SLC24A2: variants seen among roughly 807,000 people sequenced by gnomAD.
The protein encoded by SLC24A2 is sodium/potassium/calcium exchanger 2.
Under a neutral mutation model 62.0 loss-of-function variants are expected in SLC24A2, and 36 were observed. The ratio of observed to expected loss-of-function variants is 0.58; its 90% confidence interval spans 0.44 to 0.77. SLC24A2 has a LOEUF of 0.77. Ranked by LOEUF, SLC24A2 falls within the 30% of genes least tolerant of loss-of-function variation. The pLI is 0.00. For synonymous variants in SLC24A2, 358 were observed against 294.0 expected, an observed-to-expected ratio of 1.22 and a Z score of -2.23; for missense variants, 846 against 817.9, an observed-to-expected ratio of 1.03 and a Z score of -0.42.
chr9:19,619,969 C>A (rs1411117649), intron 3 of SLC24A2, among the ~76,000 whole-genome samples: 1 of 152,088 alleles, frequency 6.6e-6, no homozygotes, highest in Non-Finnish European at 1.5e-5. Flanking sequence ...ATCTTATTTG[C>A]AAAATGAACC....
chr9:20,304,059 T>C, the SLC24A2 span, among the ~76,000 whole-genome samples: 1 of 152,200 alleles, frequency 6.6e-6, no homozygotes, highest in Non-Finnish European at 1.5e-5. Context: ...CAAGTACTAA[T>C]TCGTTAGTCT....
chr9:19,892,277 G>T, the SLC24A2 span, among the ~76,000 whole-genome samples: 61,920 of 151,986 alleles, frequency 0.41, 13,177 homozygotes, highest in East Asian at 0.84. Context: ...TCTGTCCCCT[G>T]CTCTCATCCC....
chr9:19,690,786 T>C (rs994346425), intron 2 of SLC24A2, among the ~76,000 whole-genome samples: 4 of 152,094 alleles, frequency 2.6e-5, no homozygotes, highest in Middle Eastern at 6.3e-3. Context: ...TTTTCCCCTA[T>C]AATTCACTAG....
chr9:19,826,426 G>A, the SLC24A2 span, among the ~76,000 whole-genome samples: 1 of 152,052 alleles, frequency 6.6e-6, no homozygotes, highest in Non-Finnish European at 1.5e-5. Flanking sequence ...ATAGAGAAAG[G>A]CAAGATTGTC....
the SLC24A2 span, among the ~76,000 whole-genome samples, chr9:20,166,738 T>A: frequency 6.6e-6 from 1 of 152,020 alleles, no homozygotes; most frequent in Non-Finnish European, 1.5e-5. Flanking sequence ...CTTTTATGTA[T>A]GGTTTTGACT....
Position 19,519,769 on chromosome 9 carries a change from T to C in SLC24A2, c.1736+1125A>G, listed in dbSNP as rs111292112. ...GGAATCAGAGAAATCAGGATTTAAGTTGTCACTAAAAGGGTAAGTCAGAGT... is the reference window on the plus strand; with the variant it reads ...GGAATCAGAGAAATCAGGATTTAAGCTGTCACTAAAAGGGTAAGTCAGAGT... On this transcript the variant is annotated intron_variant, in intron 10 of 10. Transcript: ENST00000341998. Among the ~76,000 whole-genome samples, 749 of 152,280 alleles carry C rather than the reference T, an allele frequency of 4.9e-3. 8 individuals carry two copies. Among genetic ancestry groups the C allele is most frequent in the African/African-American group, 0.017 (709 of 41,548 alleles).
the SLC24A2 span, among the ~76,000 whole-genome samples, chr9:19,935,346 C>T: frequency 4.6e-5 from 7 of 152,006 alleles, no homozygotes. Flanking sequence ...GCACAAAGTC[C>T]TTGCTGCTGA....
At chr9:19,935,249 A>G in the SLC24A2 span, among the ~76,000 whole-genome samples, 1 of 151,662 alleles carries the variant, frequency 6.6e-6, no homozygotes, top group Non-Finnish European at 1.5e-5. Context: ...TGTTAAAGAC[A>G]GGGGGGTTCT....
At chr9:20,192,616 T>C in the SLC24A2 span, among the ~76,000 whole-genome samples, 3 of 152,166 alleles carry the variant, frequency 2.0e-5, no homozygotes, top group Non-Finnish European at 4.4e-5. Context: ...TTAGTTCAAC[T>C]GGGATTAAGA....
the SLC24A2 span, among the ~76,000 whole-genome samples, chr9:19,973,359 A>C: frequency 2.4e-4 from 37 of 152,340 alleles, no homozygotes; most frequent in South Asian, 7.5e-3. Flanking sequence ...AAACACATAA[A>C]ATTCTCATTT....
At chr9:19,668,990 G>T (rs1819336836) in intron 2 of SLC24A2, among the ~76,000 whole-genome samples, 1 of 152,164 alleles carries the variant, frequency 6.6e-6, no homozygotes, top group Non-Finnish European at 1.5e-5. Context: ...GAGAACAGAA[G>T]GTTTTATAAA....
At chr9:19,701,049 C>A (rs866169550) in intron 2 of SLC24A2, among the ~76,000 whole-genome samples, 1 of 152,278 alleles carries the variant, frequency 6.6e-6, no homozygotes, top group Middle Eastern at 3.4e-3. Flanking sequence ...AGGATTGAGT[C>A]CTAATTTACT....
the SLC24A2 span, among the ~76,000 whole-genome samples, chr9:20,006,981 A>C: frequency 1.3e-5 from 2 of 152,182 alleles, no homozygotes; most frequent in Non-Finnish European, 2.9e-5. Flanking sequence ...AGTAAGTAGA[A>C]ATTATTTTTA....
At chr9:20,023,667 C>T in the SLC24A2 span, among the ~76,000 whole-genome samples, 2 of 152,128 alleles carry the variant, frequency 1.3e-5, no homozygotes, top group Admixed American at 1.3e-4. Flanking sequence ...TCTGTTTAGC[C>T]TTAAGGTACC....
chr9:19,592,557 C>T (rs1474668699), intron 5 of SLC24A2, among the ~76,000 whole-genome samples: 4 of 151,850 alleles, frequency 2.6e-5, no homozygotes, highest in Non-Finnish European at 5.9e-5. Context: ...TACCTATCTA[C>T]CTACATGTCT....
the SLC24A2 span, among the ~76,000 whole-genome samples, chr9:20,103,743 TG>T: frequency 1.3e-5 from 2 of 151,470 alleles, no homozygotes; most frequent in Non-Finnish European, 2.9e-5. Context: ...ACCACAAACA[TG>T]GGGAAAAAAC....
At chr9:19,859,702 A>G in the SLC24A2 span, among the ~76,000 whole-genome samples, 49 of 152,216 alleles carry the variant, frequency 3.2e-4, no homozygotes, top group Admixed American at 1.2e-3. Context: ...AAGAGGTACA[A>G]AAAACAGTCT....
chr9:20,042,942 TTAA>T, the SLC24A2 span, among the ~76,000 whole-genome samples: 1 of 152,214 alleles, frequency 6.6e-6, no homozygotes, highest in East Asian at 1.9e-4. Flanking sequence ...TATGTGTATT[TTAA>T]TGGCTCCAAT....
chr9:19,778,132 G>T (rs1023995319), intron 2 of SLC24A2, among the ~76,000 whole-genome samples: 2 of 152,102 alleles, frequency 1.3e-5, no homozygotes, highest in African/African-American at 4.8e-5. Flanking sequence ...TCTATAGTCT[G>T]AAATTTCTGG....
Sources: allele counts gnomAD v4.1 joint callset (sites outside exome capture counted in the v4.1 genomes callset), GRCh38; gene constraint gnomAD v4.1.1; transcripts MANE v1.5; gene names NCBI Gene and HGNC (gene_info 2026-07-23, HGNC 2026-07-21).